Variants in PTGER4 observed in about 807,000 individuals in gnomAD.
PTGER4 encodes the protein prostaglandin E receptor 4.
A neutral mutation model predicts 33.2 loss-of-function variants in PTGER4; 11 were observed. The observed-to-expected ratio is 0.33, with a 90% CI of 0.21 to 0.55. The LOEUF (loss-of-function observed/expected upper bound fraction) is 0.55. Among genes scored for constraint, PTGER4 ranks in the 20% least tolerant of loss-of-function variants. The probability of loss-of-function intolerance (pLI) is 0.92; values close to 1 mark genes in which losing one functional copy is unlikely to be tolerated. For synonymous variants in PTGER4, 275 were observed against 281.5 expected, an observed-to-expected ratio of 0.98 and a Z score of 0.23; for missense variants, 481 against 650.2, an observed-to-expected ratio of 0.74 and a Z score of 2.83.
the PTGER4 span, among the ~76,000 whole-genome samples, chr5:40,705,133 A>G: frequency 1.3e-5 from 2 of 152,222 alleles, no homozygotes; most frequent in African/African-American, 4.8e-5. Context: ...AGGCACATAG[A>G]ACAATGGAAC....
chr5:40,722,933 A>C, the PTGER4 span, among the ~76,000 whole-genome samples: 1 of 152,250 alleles, frequency 6.6e-6, no homozygotes, highest in African/African-American at 2.4e-5. Context: ...CCCATCTGGG[A>C]GGTGTACCCA....
chr5:40,728,050 G>A, the PTGER4 span, among the ~76,000 whole-genome samples: 1 of 151,928 alleles, frequency 6.6e-6, no homozygotes, highest in African/African-American at 2.4e-5. Context: ...GGGAGGCCGA[G>A]GCTGGAGAAT....
the PTGER4 span, chr5:40,728,413 T>C: frequency 2.5e-6 from 4 of 1,614,030 alleles, no homozygotes; most frequent in South Asian, 4.4e-5. Context: ...GAATGTGGAT[T>C]TTGCTGGACG....
At position 40,681,218 on chromosome 5, in the gene PTGER4, G is replaced by T. The variant is rs1741177315; in HGVS notation, c.225G>T (p.Val75=). The T allele has an allele frequency of 5.6e-6, 9 of 1,614,156 alleles. No individual in the cohort carries two copies. In the Admixed American group the frequency reaches 1.0e-4, roughly 18 times the overall value. The stretch of plus-strand genomic sequence containing the variant: ...TGGGCACTTTGTTGGTGAGCCCGGT[G>T]ACCATCGCCACGTACATGAAGGGCC... The part of the protein sequence containing the change: ...DLLGTLLVSP[V]TIATYMKGQW... Residue 75 remains valine, a synonymous_variant, in exon 2 of 3, where the codon GTG becomes GTT. Coordinates refer to ENST00000302472, the MANE Select transcript of PTGER4 (RefSeq NM_000958.3). This position sits in a 1 kb window ranked among gnomAD's most constrained non-coding sequence, Gnocchi z 9.8.
chr5:40,738,305 T>A, the PTGER4 span, among the ~76,000 whole-genome samples: 1 of 151,576 alleles, frequency 6.6e-6, no homozygotes, highest in African/African-American at 2.4e-5. Flanking sequence ...TCCCAGCTAG[T>A]CGGGAGTGCT....
At chr5:40,738,519 A>AAATACAATAC in the PTGER4 span, among the ~76,000 whole-genome samples, 1 of 69,042 alleles carries the variant, frequency 1.4e-5, no homozygotes, top group African/African-American at 5.1e-5. Flanking sequence ...AAATACAATA[A>AAATACAATAC]AATAAAATAC....
the PTGER4 span, among the ~76,000 whole-genome samples, chr5:40,709,803 C>A: frequency 1.3e-5 from 2 of 152,224 alleles, no homozygotes; most frequent in South Asian, 4.1e-4. Context: ...GCTACAGTAA[C>A]CAAAACAGCA....
chr5:40,697,498 T>C (rs928156929), downstream of PTGER4, among the ~76,000 whole-genome samples: 21 of 150,938 alleles, frequency 1.4e-4, no homozygotes, highest in African/African-American at 5.1e-4. Flanking sequence ...GGCAAGAGAA[T>C]TGCTTGAACC....
downstream of PTGER4, among the ~76,000 whole-genome samples, chr5:40,697,594 CA>C (rs1308596268): frequency 9.7e-6 from 1 of 102,598 alleles, no homozygotes; most frequent in African/African-American, 4.0e-5. Flanking sequence ...AAAAAAAAAA[CA>C]AAAAAACAAA....
downstream of PTGER4, among the ~76,000 whole-genome samples, chr5:40,698,611 G>A (rs1472645690): frequency 2.0e-5 from 3 of 152,144 alleles, no homozygotes; most frequent in Non-Finnish European, 4.4e-5. Flanking sequence ...AGTTCAGGAT[G>A]TATATGCCAT....
the PTGER4 span, among the ~76,000 whole-genome samples, chr5:40,740,650 C>T: frequency 1.3e-3 from 193 of 152,288 alleles, 2 homozygotes; most frequent in Non-Finnish European, 2.4e-3. Context: ...TCTGACTTGA[C>T]GACTATCCAA....
In PTGER4 at chr5:40,681,773, C is replaced by G. The variant is rs1036133261; in HGVS notation, c.780C>G (p.Phe260Leu). 3.1e-6 allele frequency: 5 copies of G among 1,596,332 alleles called. No homozygotes were observed. The African/African-American group carries it at 6.9e-5, about 22-fold the overall frequency. The change falls in exon 2 of 3, where the codon TTC becomes TTG. Residue 260 changes from phenylalanine to leucine, a missense_variant. Transcript: ENST00000302472. This position sits in a 1 kb window ranked among gnomAD's most constrained non-coding sequence, Gnocchi z 9.8. ...RLSDFRRRRS[F>L]RRIAGAEIQM... ...GCGACTTTCGGCGCCGCCGGAGCTT[C>G]CGCCGCATCGCGGGCGCCGAGATCC...
At chr5:40,738,567 T>TAAAATAAAATATAAA in the PTGER4 span, among the ~76,000 whole-genome samples, 99 of 67,570 alleles carry the variant, frequency 1.5e-3, 1 homozygote, top group African/African-American at 3.9e-3. Flanking sequence ...TAAAATAAAA[T>TAAAATAAAATATAAA]ATAAAATAAA....
the PTGER4 span, among the ~76,000 whole-genome samples, chr5:40,722,777 G>T: frequency 6.6e-6 from 1 of 151,128 alleles, no homozygotes; most frequent in Non-Finnish European, 1.5e-5. Flanking sequence ...CGGAGGTGGC[G>T]GGGCAGCCCC....
chr5:40,684,131 C>T (rs1304288133), intron 2 of PTGER4, among the ~76,000 whole-genome samples: 2 of 119,826 alleles, frequency 1.7e-5, no homozygotes, highest in Non-Finnish European at 3.4e-5. Flanking sequence ...CCCACCCCCC[C>T]CCCCACAATT....
At chr5:40,730,277 G>C in the PTGER4 span, 2 of 1,607,176 alleles carry the variant, frequency 1.2e-6, no homozygotes, top group Admixed American at 3.3e-5. Context: ...ATTTCATCTC[G>C]TATAGGGTAG....
At chr5:40,731,128 A>G in the PTGER4 span, among the ~76,000 whole-genome samples, 1 of 152,200 alleles carries the variant, frequency 6.6e-6, no homozygotes, top group African/African-American at 2.4e-5. Flanking sequence ...TAATTTATTG[A>G]TGTATTCCTT....
chr5:40,701,660 CA>C, the PTGER4 span, among the ~76,000 whole-genome samples: 3 of 152,132 alleles, frequency 2.0e-5, no homozygotes, highest in East Asian at 5.8e-4. Flanking sequence ...GGCCAGCAGT[CA>C]AATTCAGGAA....
rs1315338870 is a variant in PTGER4 at position 40,693,103 on chromosome 5, A to G, written c.*725A>G. 31 of 941,986 alleles carry G rather than the reference A, an allele frequency of 3.3e-5. No individual in the cohort carries two copies. Among genetic ancestry groups the G allele is most frequent in the Admixed American group, 6.2e-5 (1 of 16,174 alleles). 58.4% of individuals were successfully genotyped at this position (941,986 alleles called of 1,614,324 possible). On this transcript the variant is annotated 3_prime_UTR_variant, in exon 3 of 3. Coordinates refer to ENST00000302472, the MANE Select transcript of PTGER4 (RefSeq NM_000958.3). ...TTAAGATGTGAAAATTACAGTCCAA[A>G]ATACTGTTCTTTCCAGGCTATGTAT... is the stretch of plus-strand genomic sequence containing the variant.
Sources: allele counts gnomAD v4.1 joint callset (sites outside exome capture counted in the v4.1 genomes callset), GRCh38; gene constraint gnomAD v4.1.1; non-coding constraint Gnocchi (gnomAD v3.1); transcripts MANE v1.5; gene names NCBI Gene and HGNC (gene_info 2026-07-23, HGNC 2026-07-21).